Variants in DSN1 observed in about 807,000 individuals in gnomAD.
The protein encoded by DSN1 is kinetochore-associated protein DSN1 homolog.
Under a neutral mutation model 45.7 loss-of-function variants are expected in DSN1, and 31 were observed. The observed-to-expected ratio is 0.68, with a 90% CI of 0.51 to 0.92. The LOEUF (loss-of-function observed/expected upper bound fraction) is 0.92, where lower values mean the gene tolerates loss of function less well. Ranked by LOEUF, DSN1 falls within the 40% of genes least tolerant of loss-of-function variation. The pLI, the probability that DSN1 is intolerant of heterozygous loss-of-function variation, is 0.00. For missense variants in DSN1, 394 were observed against 414.2 expected (o/e 0.95, Z 0.42); for synonymous variants, 134 against 142.3 (o/e 0.94, Z 0.41).
chr20:36,773,496 A>C (rs1987758604), intron 1 of DSN1, 166 bp downstream of exon 1: 2 of 985,704 alleles, frequency 2.0e-6, no homozygotes, highest in Non-Finnish European at 2.4e-6. Flanking sequence ...AGGAGGTCGC[A>C]GCGCCCTCGG....
At chr20:36,770,829 T>C in intron 3 of DSN1, 44 bp downstream of exon 3, 10 of 1,553,748 alleles carry the variant, frequency 6.4e-6, no homozygotes, top group South Asian at 1.2e-5. Context: ...ACCTGTCTCT[T>C]ATCTGAGCTG....
intron 6 of DSN1, among the ~76,000 whole-genome samples, chr20:36,760,806 C>T (rs112699329): frequency 3.9e-3 from 597 of 152,250 alleles, no homozygotes; most frequent in African/African-American, 0.013. Flanking sequence ...AGGAGAATCA[C>T]TTGAACTTGG....
chr20:36,767,362 T>C (rs1370353388), intron 4 of DSN1, among the ~76,000 whole-genome samples: 1 of 151,868 alleles, frequency 6.6e-6, no homozygotes, highest in Non-Finnish European at 1.5e-5. Flanking sequence ...TTGCTTGGAC[T>C]ACAGATTTTG....
chr20:36,763,885 CAA>C (rs148628979), intron 5 of DSN1, among the ~76,000 whole-genome samples: 9 of 37,462 alleles, frequency 2.4e-4, no homozygotes, highest in African/African-American at 6.0e-4. Context: ...AACTCTGTCT[CAA>C]AAAAAAAAAA....
rs767058180 is a variant in DSN1, at chr20:36,758,050, AG to A, written c.725+36del. On this transcript the variant is annotated intron_variant, in intron 8 of 10. Coordinates refer to ENST00000373750, the MANE Select transcript of DSN1 (RefSeq NM_001145315.2). ...AAATAAACACCAATCAAACTCCATA[AG>A]ATTTTTAAAGAGTTTTTACAGTTCA... 3.8e-6 allele frequency: 6 copies of A among 1,582,410 alleles called. No homozygotes were observed. In the South Asian group the frequency reaches 6.7e-5, roughly 18 times the overall value.
chr20:36,758,811 C>T (rs780105833), intron 6 of DSN1, among the ~76,000 whole-genome samples, 194 bp from the exon 7 acceptor site: 1 of 152,124 alleles, frequency 6.6e-6, no homozygotes, highest in African/African-American at 2.4e-5. Flanking sequence ...CCTTAGCCTC[C>T]AGAGTAGCTG....
Position 36,762,459 on chromosome 20 carries a change from A to G in DSN1, c.590+2T>C. On this transcript the variant is annotated splice_donor_variant, in intron 6 of 10. Transcript: ENST00000373750. LOFTEE classifies it high-confidence loss of function. Reference sequence around the variant, plus strand: ...TTAGGACAGAAGGGGAACTGCTCTTACCCATTTGAATCTTCAAAACATTTT... The same window carrying G: ...TTAGGACAGAAGGGGAACTGCTCTTGCCCATTTGAATCTTCAAAACATTTT... 1 of 1,612,850 alleles carries G rather than the reference A, an allele frequency of 6.2e-7. No homozygotes were observed. The highest frequency in any genetic ancestry group is 8.5e-7 in the Non-Finnish European group (1 of 1,179,384).
At chr20:36,766,605 A>C (rs1282910000) in intron 5 of DSN1, among the ~76,000 whole-genome samples, 164 bp downstream of exon 5, 1 of 152,170 alleles carries the variant, frequency 6.6e-6, no homozygotes, top group Non-Finnish European at 1.5e-5. Context: ...CAGTGAGCCA[A>C]GATCACCCTA....
intron 5 of DSN1, among the ~76,000 whole-genome samples, chr20:36,764,855 G>A (rs1197027373): frequency 1.3e-5 from 2 of 151,954 alleles, no homozygotes; most frequent in South Asian, 4.2e-4. Context: ...AGGAGGTGGA[G>A]GTTGCAGTGA....
At chr20:36,762,631 A>T (rs1361592902) in intron 5 of DSN1, 83 bp from the exon 6 acceptor site, 1 of 1,273,242 alleles carries the variant, frequency 7.9e-7, no homozygotes, top group Non-Finnish European at 1.1e-6. Flanking sequence ...ATATTAAGGT[A>T]GTCTCAGCTC....
intron 1 of DSN1, 116 bp downstream of exon 1, chr20:36,773,546 G>A (rs866120807): frequency 9.1e-6 from 9 of 985,870 alleles, no homozygotes; most frequent in Non-Finnish European, 1.1e-5. Context: ...GGCTGCGGCG[G>A]GTCGAGCTGG....
At chr20:36,761,843 C>T (rs1024108379) in intron 6 of DSN1, among the ~76,000 whole-genome samples, 1 of 151,572 alleles carries the variant, frequency 6.6e-6, no homozygotes, top group East Asian at 2.0e-4. Context: ...CCCATCCCTA[C>T]TAAAAATACA....
chr20:36,769,215 A>C (rs1905978884), intron 3 of DSN1, among the ~76,000 whole-genome samples: 1 of 152,238 alleles, frequency 6.6e-6, no homozygotes, highest in Admixed American at 6.5e-5. Context: ...ACTACATAGC[A>C]AAGGAATTTT....
At chr20:36,755,187 T>C (rs1986604342) in intron 9 of DSN1, among the ~76,000 whole-genome samples, 1 of 152,098 alleles carries the variant, frequency 6.6e-6, no homozygotes, top group African/African-American at 2.4e-5. Flanking sequence ...TCCCTTTGAG[T>C]CCTAGGAGGA....
chr20:36,757,060 A>G (rs1986712182), intron 8 of DSN1, among the ~76,000 whole-genome samples: 1 of 152,150 alleles, frequency 6.6e-6, no homozygotes, highest in South Asian at 2.1e-4. Context: ...CTAAATCAAA[A>G]TCTAGCATTT....
chr20:36,755,632 C>T (rs1425258831), intron 9 of DSN1, 50 bp downstream of exon 9: 4 of 1,583,990 alleles, frequency 2.5e-6, no homozygotes, highest in Non-Finnish European at 3.4e-6. Context: ...CCAAGGATTA[C>T]AAGGTGGCAA....
chr20:36,753,423 C>T (rs932250320), intron 10 of DSN1, among the ~76,000 whole-genome samples: 21 of 150,826 alleles, frequency 1.4e-4, no homozygotes, highest in African/African-American at 4.1e-4. Flanking sequence ...AGATCACTTG[C>T]GGTCAGAAGT....
Position 36,770,730 on chromosome 20 carries a change from G to A in DSN1, c.355+143C>T. On this transcript the variant is annotated intron_variant, in intron 3 of 10. Coordinates refer to ENST00000373750, the MANE Select transcript of DSN1 (RefSeq NM_001145315.2). ...AGCAGTAATACTGAACATTTACTAGGTGTTTGACATCAGTACTTATAAAGT... is the reference window on the plus strand; with the variant it reads ...AGCAGTAATACTGAACATTTACTAGATGTTTGACATCAGTACTTATAAAGT... 4.5e-6 allele frequency: 4 copies of A among 886,714 alleles called. No individual in the cohort carries two copies. In the East Asian group the frequency reaches 9.8e-5, roughly 22 times the overall value. The allele number at this position is 886,714 out of a possible 1,614,324, so 54.9% of individuals were successfully genotyped here.
In DSN1 at chr20:36,770,909, G is replaced by A. The variant is rs773512172; in HGVS notation, c.319C>T (p.Arg107Trp). 10 of 1,613,402 alleles carry A rather than the reference G, an allele frequency of 6.2e-6. 1 individual carries two copies. Among genetic ancestry groups the A allele is most frequent in the South Asian group, 4.4e-5 (4 of 91,054 alleles). Residue 107 changes from arginine to tryptophan, a missense_variant, in exon 3 of 11, where the codon CGG becomes TGG. Arg to Trp is a moderately radical substitution (Grantham distance 101, BLOSUM62 -3). Coordinates refer to ENST00000373750, the MANE Select transcript of DSN1 (RefSeq NM_001145315.2). ...RRASMKETNR[R>W]KSLHPIHQGI... ...TGGTGAATGGGATGCAGCGACTTCC[G>A]CCGGTTCGTTTCTTTCATACTTGCT...
Sources: gnomAD v4.1 joint callset for allele counts (sites outside exome capture counted in the v4.1 genomes callset) on GRCh38, gnomAD v4.1.1 for gene constraint, MANE v1.5 for transcripts, NCBI Gene and HGNC (gene_info 2026-07-23, HGNC 2026-07-21) for gene names.